Variants in NWD1 observed in about 807,000 individuals in gnomAD.
The protein encoded by NWD1 is NACHT domain- and WD repeat-containing protein 1.
A neutral mutation model predicts 135.1 loss-of-function variants in NWD1; 129 were observed. The ratio of observed to expected loss-of-function variants is 0.96; its 90% confidence interval spans 0.83 to 1.11. The LOEUF (loss-of-function observed/expected upper bound fraction) is 1.11. NWD1 is among the 50% of genes least tolerant of loss of function. NWD1 has a pLI of 0.00. For missense variants in NWD1, 1,740 were observed against 1,851.3 expected (o/e 0.94, Z 1.10); for synonymous variants, 773 against 786.0 (o/e 0.98, Z 0.28).
intron 1 of NWD1, among the ~76,000 whole-genome samples, chr19:16,723,666 A>ACAGCTTTTT (rs1049282816): frequency 6.7e-6 from 1 of 149,094 alleles, no homozygotes; most frequent in Non-Finnish European, 1.5e-5. Context: ...TACCTATTTT[A>ACAGCTTTTT]CAGCTTTTTC....
chr19:16,779,711 C>A (rs1202953739), intron 12 of NWD1, among the ~76,000 whole-genome samples: 1 of 152,096 alleles, frequency 6.6e-6, no homozygotes, highest in Non-Finnish European at 1.5e-5. Context: ...GTTTATAACT[C>A]ACTGCAGCCT....
chr19:16,797,185 A>C (rs1190063035), intron 15 of NWD1, among the ~76,000 whole-genome samples: 1 of 151,358 alleles, frequency 6.6e-6, no homozygotes, highest in Non-Finnish European at 1.5e-5. Context: ...ATCTCAAAAA[A>C]AAAAAAAAAT....
At chr19:16,794,676 T>C in intron 15 of NWD1, 123 bp downstream of exon 15, 1 of 695,904 alleles carries the variant, frequency 1.4e-6, no homozygotes, top group Non-Finnish European at 2.6e-6. Flanking sequence ...TTCTGCCAAA[T>C]GGCCTCATAG....
intron 5 of NWD1, among the ~76,000 whole-genome samples, chr19:16,746,457 G>A (rs559877928): frequency 1.8e-4 from 27 of 152,040 alleles, no homozygotes; most frequent in Admixed American, 1.6e-3. Flanking sequence ...GACGGATCAC[G>A]AGGTCAGGAG....
At chr19:16,725,159 G>A (rs967059586) in intron 2 of NWD1, among the ~76,000 whole-genome samples, 26 of 151,274 alleles carry the variant, frequency 1.7e-4, no homozygotes, top group Non-Finnish European at 8.8e-5. Flanking sequence ...GACTACAGGC[G>A]TGCACCACCA....
Position 16,766,006 on chromosome 19 carries a change from G to A in NWD1, c.2410+814G>A, listed in dbSNP as rs12984790. On this transcript the variant is annotated intron_variant, in intron 10 of 18. Coordinates refer to ENST00000524140, the MANE Select transcript of NWD1 (RefSeq NM_001007525.5). ...CACTCCAGCCTGGGCAACAGAGTGA[G>A]ACTCCGTCTCAAAAAAAAAAAAAAA... 5.0e-3 allele frequency among the ~76,000 whole-genome samples: 623 copies of A among 125,532 alleles called. 1 individual carries two copies. Among genetic ancestry groups the A allele is most frequent in the Non-Finnish European group, 7.6e-3 (473 of 62,478 alleles). The allele number at this position is 125,532 out of a possible 152,430, so 82.4% of individuals were successfully genotyped here.
chr19:16,744,820 G>A (rs1274795240), intron 5 of NWD1, 102 bp downstream of exon 5: 14 of 1,002,370 alleles, frequency 1.4e-5, no homozygotes, highest in East Asian at 2.6e-5. Flanking sequence ...TGCATTTCTT[G>A]CAAATGCCAA....
intron 10 of NWD1, among the ~76,000 whole-genome samples, chr19:16,768,323 GAATT>G (rs1281381884): frequency 6.9e-6 from 1 of 143,980 alleles, no homozygotes; most frequent in Non-Finnish European, 1.5e-5. Flanking sequence ...TCAAGGCTAA[GAATT>G]TCCTTCCTTT....
rs1419481585 is a variant in NWD1 at position 16,812,025 on chromosome 19, C to CA, written c.4288-2997dup. Among the ~76,000 whole-genome samples, 4 of 151,976 alleles carry CA rather than the reference C, an allele frequency of 2.6e-5. 1 individual carries two copies. In the South Asian group the frequency reaches 8.3e-4, roughly 32 times the overall value. On this transcript the variant is annotated intron_variant, in intron 18 of 18. Coordinates refer to ENST00000524140, the MANE Select transcript of NWD1 (RefSeq NM_001007525.5). ...AGCGAGATTCCATCAAAAACAAAAA[C>CA]AAAAAACAGGCATAGTGGCTCATGC...
intron 2 of NWD1, among the ~76,000 whole-genome samples, chr19:16,727,004 G>T (rs1228546655): frequency 6.6e-6 from 1 of 152,126 alleles, no homozygotes; most frequent in Admixed American, 6.6e-5. Context: ...CTCGTGGGAG[G>T]GGGTGGGAAG....
chr19:16,815,483 C>T lies in NWD1; in HGVS notation c.*444C>T. On this transcript the variant is annotated 3_prime_UTR_variant, in exon 19 of 19. Transcript: ENST00000524140. ...CAGACCTTGTCTCTTCTCATCTTTC[C>T]ATTATTCTTTCCTCTTTTTCATTTT... 1.7e-6 allele frequency: 1 copy of T among 573,066 alleles called. No individual in the cohort carries two copies. 35.5% of individuals were successfully genotyped at this position (573,066 alleles called of 1,614,324 possible). A position where few individuals can be genotyped will look rare whatever the true frequency, so the allele number is the denominator to read the frequency against.
chr19:16,739,794 AT>A (rs1968005919), intron 4 of NWD1, among the ~76,000 whole-genome samples: 1 of 152,120 alleles, frequency 6.6e-6, no homozygotes, highest in Non-Finnish European at 1.5e-5. Flanking sequence ...CTCTTGGGCT[AT>A]CAGCAGCCCC....
rs1970358554 is a variant in NWD1, at chr19:16,794,572, T to A, written c.3304+19T>A. ...GCCGCAGGTAGCGTTTAGCTCTCAT[T>A]TGGAGTAGTGAGGAAGCTAATCAGG... On this transcript the variant is annotated intron_variant, in intron 15 of 18. Transcript: ENST00000524140. 1 of 1,527,836 alleles carries A rather than the reference T, an allele frequency of 6.5e-7. No homozygotes were observed. The highest frequency in any genetic ancestry group is 1.2e-5 in the South Asian group (1 of 86,628). The allele number at this position is 1,527,836 out of a possible 1,614,324, so 94.6% of individuals were successfully genotyped here.
chr19:16,762,083 C>G lies in NWD1; in HGVS notation c.2078C>G (p.Thr693Ser), dbSNP rs1190873117. The G allele has an allele frequency of 6.2e-7, 1 of 1,613,910 alleles. No homozygotes were observed. The highest frequency in any genetic ancestry group is 1.1e-5 in the South Asian group (1 of 91,072). ...DFFSGTWSQGTKKLITLPLVG... is the reference protein window; with the variant it reads ...DFFSGTWSQGSKKLITLPLVG... ...TTCTCAGGGACCTGGAGCCAGGGTACCAAGAAGCTCATCACTCTGCCACTT... is the reference window on the plus strand; with the variant it reads ...TTCTCAGGGACCTGGAGCCAGGGTAGCAAGAAGCTCATCACTCTGCCACTT... Residue 693 changes from threonine to serine, a missense_variant, in exon 8 of 19, where the codon ACC becomes AGC. Transcript: ENST00000524140.
chr19:16,794,423 C>T (rs764462891), intron 14 of NWD1, 40 bp from the exon 15 acceptor site: 5 of 1,177,176 alleles, frequency 4.2e-6, no homozygotes, highest in Non-Finnish European at 5.1e-6. Flanking sequence ...TAACCCTTAA[C>T]CCGTGGAAGT....
At chr19:16,723,077 A>G (rs1967196793) in intron 1 of NWD1, among the ~76,000 whole-genome samples, 1 of 151,978 alleles carries the variant, frequency 6.6e-6, no homozygotes, top group Non-Finnish European at 1.5e-5. Context: ...TTTTTGAGGC[A>G]GAGTCTCTCT....
intron 12 of NWD1, 149 bp from the exon 13 acceptor site, chr19:16,788,833 C>G: frequency 1.5e-6 from 1 of 672,366 alleles, no homozygotes; most frequent in Non-Finnish European, 2.7e-6. Context: ...GTTATTGACT[C>G]CATTTTTATT....
intron 4 of NWD1, 72 bp from the exon 5 acceptor site, chr19:16,744,349 C>T: frequency 1.5e-6 from 2 of 1,376,786 alleles, no homozygotes; most frequent in Non-Finnish European, 2.0e-6. Context: ...CGCACTCCAG[C>T]CTGGGCGACA....
chr19:16,776,240 T>C (rs2122967317), intron 11 of NWD1, among the ~76,000 whole-genome samples: 1 of 152,156 alleles, frequency 6.6e-6, no homozygotes, highest in Non-Finnish European at 1.5e-5. Context: ...TTGAGAAAGT[T>C]CTTACCTGTG....
Sources: gnomAD v4.1 joint callset for allele counts (sites outside exome capture counted in the v4.1 genomes callset) on GRCh38, gnomAD v4.1.1 for gene constraint, MANE v1.5 for transcripts, NCBI Gene and HGNC (gene_info 2026-07-23, HGNC 2026-07-21) for gene names.